Variants in MTM1 observed in about 807,000 individuals in gnomAD.
MTM1 encodes the protein myotubularin 1.
In MTM1, 9 loss-of-function variants were observed where a neutral mutation model predicts 52.1. The ratio of observed to expected loss-of-function variants is 0.17; its 90% confidence interval spans 0.10 to 0.30. The LOEUF (loss-of-function observed/expected upper bound fraction) is 0.30, where lower values mean the gene tolerates loss of function less well. Among genes scored for constraint, MTM1 ranks in the 10% least tolerant of loss-of-function variants. MTM1 has a pLI of 1.00. For missense variants in MTM1, 277 were observed against 470.7 expected, an observed-to-expected ratio of 0.59 and a Z score of 3.81; for synonymous variants, 136 against 163.8, an observed-to-expected ratio of 0.83 and a Z score of 1.29.
At chrX:150,621,365 T>G (rs1557413294) in intron 6 of MTM1, among the ~76,000 whole-genome samples, 1 of 110,862 alleles carries the variant, frequency 9.0e-6, no homozygotes, top group East Asian at 2.8e-4. Context: ...TCTTTTCTAC[T>G]TATGCTTCCT....
At chrX:150,618,506 T>A (rs1363962996) in intron 5 of MTM1, among the ~76,000 whole-genome samples, 1 of 108,920 alleles carries the variant, frequency 9.2e-6, no homozygotes, top group Admixed American at 9.8e-5. Flanking sequence ...ATACAAAAAA[T>A]TAGCTGGGCG....
rs1359812919 is a variant in MTM1 at position 150,592,543 on chromosome X, G to A, written c.-10-62G>A. 1.0e-5 allele frequency: 9 copies of A among 876,912 alleles called. No homozygotes were observed. In the African/African-American group the frequency reaches 1.6e-4, roughly 15 times the overall value. The allele number at this position is 876,912 out of a possible 1,213,427, so 72.3% of individuals were successfully genotyped here. A position where few individuals can be genotyped will look rare whatever the true frequency, so the allele number is the denominator to read the frequency against. On this transcript the variant is annotated intron_variant, in intron 1 of 14. Transcript: ENST00000370396. ...CAGTTGCCATATTTAAGTCTCAGATGTCACATATGTTTGAAATTGCATACA... is the reference window on the plus strand; with the variant it reads ...CAGTTGCCATATTTAAGTCTCAGATATCACATATGTTTGAAATTGCATACA...
chrX:150,633,650 A>G (rs2039705981), intron 6 of MTM1, among the ~76,000 whole-genome samples: 1 of 102,226 alleles, frequency 9.8e-6, no homozygotes, highest in Non-Finnish European at 2.0e-5. Flanking sequence ...TTTTAAAAAG[A>G]TGAGTGTCTT....
At chrX:150,637,400 C>T (rs1236360224) in intron 6 of MTM1, among the ~76,000 whole-genome samples, 4 of 111,002 alleles carry the variant, frequency 3.6e-5, no homozygotes, top group African/African-American at 6.6e-5. Context: ...GCTGTGTGGG[C>T]CTTCATGTCT....
intron 4 of MTM1, among the ~76,000 whole-genome samples, chrX:150,606,216 A>T (rs1557412825): frequency 9.0e-6 from 1 of 111,093 alleles, no homozygotes; most frequent in African/African-American, 3.3e-5. Context: ...CCAGTCTTAA[A>T]TCATCTTCTT....
intron 9 of MTM1, among the ~76,000 whole-genome samples, chrX:150,647,764 C>A (rs1175922645): frequency 9.0e-6 from 1 of 111,618 alleles, no homozygotes; most frequent in African/African-American, 3.3e-5. Flanking sequence ...AAATTTACAT[C>A]CCCAGATGCA....
At chrX:150,571,137 G>C (rs1330623140) in intron 1 of MTM1, among the ~76,000 whole-genome samples, 1 of 112,060 alleles carries the variant, frequency 8.9e-6, no homozygotes, top group African/African-American at 3.2e-5. Context: ...ACATTTTAAA[G>C]GGGTAACCAG....
chrX:150,566,260 C>T (rs1327060399), upstream of MTM1, among the ~76,000 whole-genome samples: 2 of 111,368 alleles, frequency 1.8e-5, no homozygotes, highest in African/African-American at 3.3e-5. Context: ...CTCAGCCTCC[C>T]GATTAGCTGG....
At chrX:150,564,009 G>A (rs960323216), upstream of MTM1, among the ~76,000 whole-genome samples, 19 of 111,645 alleles carry the variant, frequency 1.7e-4, no homozygotes, top group Non-Finnish European at 2.8e-4. Context: ...TTTCATGATC[G>A]TGTCAACAAT....
At chrX:150,568,469 T>G (rs1557411303), upstream of MTM1, 1 of 113,393 alleles carries the variant, frequency 8.8e-6, no homozygotes, top group Non-Finnish European at 1.9e-5. Flanking sequence ...TCGGAGCTGC[T>G]CCCCAGGTCG....
chrX:150,579,456 C>T (rs1015942785), intron 1 of MTM1, among the ~76,000 whole-genome samples: 5 of 111,585 alleles, frequency 4.5e-5, no homozygotes, highest in African/African-American at 1.6e-4. Context: ...TTCAGTGTTT[C>T]CCTAAGTATT....
chrX:150,584,669 G>A (rs1179523267), intron 1 of MTM1, among the ~76,000 whole-genome samples: 1 of 111,252 alleles, frequency 9.0e-6, no homozygotes, highest in African/African-American at 3.3e-5. Context: ...CATAAGTACA[G>A]GGTAAGAAAT....
chrX:150,625,440 A>C (rs970840704), intron 6 of MTM1, among the ~76,000 whole-genome samples: 7 of 111,650 alleles, frequency 6.3e-5, no homozygotes, highest in Admixed American at 1.9e-4. Context: ...AGCTCTTTCA[A>C]AGAAAGATGC....
At chrX:150,636,146 A>G (rs1273142671) in intron 6 of MTM1, among the ~76,000 whole-genome samples, 2 of 111,532 alleles carry the variant, frequency 1.8e-5, no homozygotes, top group Admixed American at 1.9e-4. Flanking sequence ...CATTCTGGAT[A>G]TTAGTCAGAA....
chrX:150,570,094 A>G (rs781960485), intron 1 of MTM1, among the ~76,000 whole-genome samples: 1 of 111,698 alleles, frequency 9.0e-6, no homozygotes, highest in Non-Finnish European at 1.9e-5. Context: ...TTAAAGTTCT[A>G]ACTACATTTA....
At chrX:150,646,159 C>T (rs1319611238) in intron 9 of MTM1, among the ~76,000 whole-genome samples, 1 of 112,076 alleles carries the variant, frequency 8.9e-6, no homozygotes, top group Non-Finnish European at 1.9e-5. Flanking sequence ...AAAGCCCTTT[C>T]AGCTGTGGAT....
At chrX:150,604,678 G>A (rs975787916) in intron 4 of MTM1, among the ~76,000 whole-genome samples, 2 of 110,647 alleles carry the variant, frequency 1.8e-5, no homozygotes, top group Non-Finnish European at 3.8e-5. Flanking sequence ...CCTCATCCTC[G>A]GTGTCTGTCT....
intron 6 of MTM1, among the ~76,000 whole-genome samples, chrX:150,638,352 T>C (rs1254258988): frequency 9.0e-6 from 1 of 111,048 alleles, no homozygotes; most frequent in Non-Finnish European, 1.9e-5. Context: ...ATGGATGGTA[T>C]TTGAAGCTAT....
At chrX:150,606,792 TCCTTC>T (rs1557412834) in intron 4 of MTM1, among the ~76,000 whole-genome samples, 1 of 107,341 alleles carries the variant, frequency 9.3e-6, no homozygotes, top group African/African-American at 3.4e-5. Context: ...CTGCTCAACT[TCCTTC>T]CCTTCCTTCC....
Sources: allele counts gnomAD v4.1 joint callset (sites outside exome capture counted in the v4.1 genomes callset), GRCh38; gene constraint gnomAD v4.1.1; transcripts MANE v1.5; gene names NCBI Gene and HGNC (gene_info 2026-07-23, HGNC 2026-07-21).